Variants in DOK6 observed in about 807,000 individuals in gnomAD.
DOK6 encodes docking protein 6.
In DOK6, 22 loss-of-function variants were observed where a neutral mutation model predicts 44.0. The observed-to-expected ratio is 0.50, with a 90% CI of 0.36 to 0.71. DOK6 has a LOEUF of 0.71. DOK6 is among the 30% of genes least tolerant of loss of function. The pLI is 0.00. For missense variants in DOK6, 340 were observed against 416.4 expected (o/e 0.82, Z 1.60); for synonymous variants, 166 against 145.5 (o/e 1.14, Z -1.01).
intron 2 of DOK6, among the ~76,000 whole-genome samples, chr18:69,596,080 A>G (rs760201951): frequency 5.9e-5 from 9 of 152,214 alleles, no homozygotes; most frequent in Non-Finnish European, 1.3e-4. Flanking sequence ...TAGGTATATG[A>G]GAGATATAAG....
chr18:69,741,829 T>G (rs1018317651), intron 6 of DOK6, among the ~76,000 whole-genome samples: 27 of 152,122 alleles, frequency 1.8e-4, no homozygotes, highest in African/African-American at 6.5e-4. Context: ...TTCCAACAAG[T>G]ATGAAAGAGT....
chr18:69,672,483 C>G (rs898772313), intron 3 of DOK6, among the ~76,000 whole-genome samples: 1 of 152,168 alleles, frequency 6.6e-6, no homozygotes, highest in Non-Finnish European at 1.5e-5. Context: ...CTCAGACTCC[C>G]GAGTAGCTGG....
At chr18:69,430,290 A>T (rs1978767384) in intron 1 of DOK6, among the ~76,000 whole-genome samples, 1 of 152,180 alleles carries the variant, frequency 6.6e-6, no homozygotes, top group African/African-American at 2.4e-5. Flanking sequence ...TCAGAAAGGG[A>T]CTGTAGTTAA....
At chr18:69,550,369 AAAAAAAT>A (rs1218679539) in intron 1 of DOK6, among the ~76,000 whole-genome samples, 3 of 152,158 alleles carry the variant, frequency 2.0e-5, no homozygotes, top group African/African-American at 7.2e-5. Flanking sequence ...ACCCATGGGA[AAAAAAAT>A]AAAGCAAAAC....
intron 1 of DOK6, among the ~76,000 whole-genome samples, chr18:69,525,900 G>A (rs558475161): frequency 3.2e-4 from 48 of 152,024 alleles, no homozygotes; most frequent in African/African-American, 8.9e-4. Context: ...TGTAAATCTG[G>A]CCTGTGACCT....
At chr18:69,837,788 G>A (rs1982094889) in intron 7 of DOK6, among the ~76,000 whole-genome samples, 1 of 152,162 alleles carries the variant, frequency 6.6e-6, no homozygotes, top group African/African-American at 2.4e-5. Flanking sequence ...CCATGGTAGT[G>A]GGGGAGTTTG....
intron 5 of DOK6, among the ~76,000 whole-genome samples, chr18:69,723,193 G>A (rs1411338617): frequency 6.6e-6 from 1 of 152,138 alleles, no homozygotes; most frequent in Non-Finnish European, 1.5e-5. Flanking sequence ...ATGAAACTTG[G>A]TCTAGGTGGA....
intron 1 of DOK6, among the ~76,000 whole-genome samples, chr18:69,528,025 T>C (rs1157013142): frequency 1.3e-5 from 2 of 151,752 alleles, no homozygotes; most frequent in Admixed American, 6.6e-5. Flanking sequence ...TAGCCGGGCA[T>C]GATGGTGGGT....
Position 69,575,017 on chromosome 18 carries a change from A to G in DOK6, c.174+10423A>G, listed in dbSNP as rs576646940. Among the ~76,000 whole-genome samples the G allele has an allele frequency of 2.0e-5, 3 of 152,226 alleles. No individual in the cohort carries two copies. In the South Asian group the frequency reaches 6.2e-4, roughly 32 times the overall value. ...ATTAATTACTTAATGGATACAGTGT[A>G]CACCCTTCAGGCCATGGTGAAAAGC... On this transcript the variant is annotated intron_variant, in intron 2 of 7. Transcript: ENST00000382713.
Position 69,717,720 on chromosome 18 carries a change from C to T in DOK6, c.599+19127C>T, listed in dbSNP as rs148265756. Among the ~76,000 whole-genome samples the T allele has an allele frequency of 3.9e-4, 60 of 152,258 alleles. No individual in the cohort carries two copies. The East Asian group carries it at 0.011, about 29-fold the overall frequency. On this transcript the variant is annotated intron_variant, in intron 5 of 7. Transcript: ENST00000382713. ...ATGCTCTGGAGCATAGAAGCTGTGC[C>T]TCCTGATCTGATCCTTGGCCCTGGG...
At chr18:69,651,461 T>G (rs1229739228) in intron 3 of DOK6, among the ~76,000 whole-genome samples, 1 of 151,492 alleles carries the variant, frequency 6.6e-6, no homozygotes, top group Admixed American at 6.6e-5. Context: ...TGCCCTGCAT[T>G]GCATCATCAG....
intron 4 of DOK6, among the ~76,000 whole-genome samples, chr18:69,679,380 T>A (rs1985996968): frequency 6.6e-6 from 1 of 152,226 alleles, no homozygotes; most frequent in Non-Finnish European, 1.5e-5. Flanking sequence ...TTTCTGCTCG[T>A]GGATCATGAA....
At chr18:69,646,779 A>C (rs1287040638) in intron 3 of DOK6, among the ~76,000 whole-genome samples, 2 of 152,138 alleles carry the variant, frequency 1.3e-5, no homozygotes, top group Admixed American at 6.5e-5. Context: ...ATGCACTTCC[A>C]AGACTCTTCC....
At chr18:69,556,708 T>C (rs570987692) in intron 1 of DOK6, among the ~76,000 whole-genome samples, 71 of 152,244 alleles carry the variant, frequency 4.7e-4, no homozygotes, top group Non-Finnish European at 8.5e-4. Flanking sequence ...AGAGGAATTG[T>C]AGCATTATAT....
At chr18:69,409,696 G>A (rs1262977494) in intron 1 of DOK6, among the ~76,000 whole-genome samples, 4 of 151,840 alleles carry the variant, frequency 2.6e-5, no homozygotes, top group Non-Finnish European at 5.9e-5. Flanking sequence ...TCTAAAATTG[G>A]AAAGTTAGTA....
intron 7 of DOK6, among the ~76,000 whole-genome samples, chr18:69,762,906 T>C (rs2144759464): frequency 6.6e-6 from 1 of 152,312 alleles, no homozygotes; most frequent in Non-Finnish European, 1.5e-5. Context: ...CTAATGGTGA[T>C]TAAAAGTCAA....
At chr18:69,742,833 A>T (rs929226504) in intron 6 of DOK6, among the ~76,000 whole-genome samples, 20 of 152,244 alleles carry the variant, frequency 1.3e-4, no homozygotes, top group African/African-American at 4.1e-4. Context: ...TGGGTAAGAC[A>T]TCACCATCAT....
intron 1 of DOK6, among the ~76,000 whole-genome samples, chr18:69,503,638 TCAA>T (rs1981105801): frequency 6.6e-6 from 1 of 152,064 alleles, no homozygotes; most frequent in South Asian, 2.1e-4. Flanking sequence ...GTTTTTCAGT[TCAA>T]CATATATTAT....
At chr18:69,672,707 A>AAG (rs1555722144) in intron 3 of DOK6, among the ~76,000 whole-genome samples, 5 of 73,710 alleles carry the variant, frequency 6.8e-5, no homozygotes, top group Admixed American at 1.5e-4. Context: ...AAAAAAAAAA[A>AAG]GGGGGGGGTG....
Sources: gnomAD v4.1 joint callset for allele counts (sites outside exome capture counted in the v4.1 genomes callset) on GRCh38, gnomAD v4.1.1 for gene constraint, MANE v1.5 for transcripts, NCBI Gene and HGNC (gene_info 2026-07-23, HGNC 2026-07-21) for gene names.